Variants in PAPLN observed in about 807,000 individuals in gnomAD.
PAPLN encodes papilin, proteoglycan like sulfated glycoprotein, also known as papilin.
A neutral mutation model predicts 159.0 loss-of-function variants in PAPLN; 146 were observed. The ratio of observed to expected loss-of-function variants is 0.92; its 90% CI spans 0.80 to 1.05. The LOEUF is 1.05. Among genes scored for constraint, PAPLN ranks in the 50% least tolerant of loss-of-function variants. The pLI is 0.00. For synonymous variants in PAPLN, 734 were observed against 702.9 expected, an observed-to-expected ratio of 1.04 and a Z score of -0.70; for missense variants, 1,720 against 1,743.9, an observed-to-expected ratio of 0.99 and a Z score of 0.24.
In PAPLN at chr14:73,250,324, C is replaced by G. The variant is rs1376613726; in HGVS notation, c.465+210C>G. 9.8e-5 allele frequency among the ~76,000 whole-genome samples: 15 copies of G among 152,316 alleles called. No individual in the cohort carries two copies. In the East Asian group the frequency reaches 2.3e-3, roughly 24 times the overall value. On this transcript the variant is annotated intron_variant, in intron 6 of 26. Transcript: ENST00000644200. ...CCTTCATCCTTGGAGAACGCTAGCC[C>G]TACAATAAGAGAAACCCTCTGGGTG...
intron 19 of PAPLN, 55 bp from the exon 20 acceptor site, chr14:73,263,590 G>T: frequency 6.2e-7 from 1 of 1,610,286 alleles, no homozygotes; most frequent in South Asian, 1.1e-5. Flanking sequence ...TGCTTAGGGT[G>T]GTTCTGGTCC....
intron 19 of PAPLN, chr14:73,263,116 G>A: frequency 2.6e-6 from 1 of 386,034 alleles, no homozygotes; most frequent in East Asian, 3.8e-5. Flanking sequence ...GGCTGGAAAA[G>A]TTTATTGGCT....
At chr14:73,259,233 T>A in intron 15 of PAPLN, 36 bp from the exon 16 acceptor site, 2 of 1,530,840 alleles carry the variant, frequency 1.3e-6, no homozygotes, top group Non-Finnish European at 1.8e-6. Flanking sequence ...AGGAGCCAGG[T>A]GGACGCACTG....
rs1886300910 is a variant in PAPLN at position 73,259,389 on chromosome 14, C to T, written c.1829C>T (p.Pro610Leu). Residue 610 changes from proline (P) to leucine (L), a missense_variant, in exon 16 of 27, where the codon CCC becomes CTC. By Grantham distance (98) the Pro-to-Leu change is moderately conservative. Transcript: ENST00000644200. ...GTHLSALGPAPSLQQPPYQQP... is the reference protein window; with the variant it reads ...GTHLSALGPALSLQQPPYQQP... Reference sequence around the variant, plus strand: ...CACCTGTCAGCCCTGGGCCCCGCTCCCTCTCTGCAGCAGCCCCCATACCAG... The same window carrying T: ...CACCTGTCAGCCCTGGGCCCCGCTCTCTCTCTGCAGCAGCCCCCATACCAG... 1 of 1,612,384 alleles carries T rather than the reference C, an allele frequency of 6.2e-7. No individual in the cohort carries two copies. The highest frequency in any genetic ancestry group is 1.3e-5 in the African/African-American group (1 of 74,874).
At chr14:73,260,884 G>A (rs1224694839) in intron 17 of PAPLN, 55 bp downstream of exon 17, 2 of 1,496,260 alleles carry the variant, frequency 1.3e-6, no homozygotes, top group South Asian at 2.7e-5. Context: ...AGCCTGCTCA[G>A]TGTCACTGTG....
In PAPLN at chr14:73,265,644, G is replaced by A; in HGVS notation, c.3263+137G>A. The A allele has an allele frequency of 7.7e-7, 1 of 1,291,254 alleles. No individual in the cohort carries two copies. Among genetic ancestry groups the A allele is most frequent in the Non-Finnish European group, 1.0e-6 (1 of 955,028 alleles). The allele number at this position is 1,291,254 out of a possible 1,614,324, so 80.0% of individuals were successfully genotyped here. A position where few individuals can be genotyped will look rare whatever the true frequency, so the allele number is the denominator to read the frequency against. ...CGGACTCCAGGGCCTCTTGAGAGAT[G>A]GAGCAGCTGGGCAAAGGGCTCCTTG... On this transcript the variant is annotated intron_variant, in intron 23 of 26. Transcript: ENST00000644200. This position sits in a 1 kb window ranked among gnomAD's most constrained non-coding sequence, Gnocchi z 4.1.
At position 73,244,324 on chromosome 14, in the gene PAPLN, G is replaced by A. The variant is rs1883943760; in HGVS notation, c.55-320G>A. The A allele has an allele frequency of 1.1e-5, 3 of 269,530 alleles. No homozygotes were observed. In the South Asian group the frequency reaches 1.4e-4, roughly 13 times the overall value. 16.7% of individuals were successfully genotyped at this position (269,530 alleles called of 1,614,324 possible). A position where few individuals can be genotyped will look rare whatever the true frequency, so the allele number is the denominator to read the frequency against. On this transcript the variant is annotated intron_variant, in intron 2 of 26. Coordinates refer to ENST00000644200, the MANE Select transcript of PAPLN (RefSeq NM_001365906.3). ...CCTACATCACGGTTAACCTACAAAT[G>A]CCTGGACCCTCAAACTGCCCCTGGC...
intron 5 of PAPLN, among the ~76,000 whole-genome samples, chr14:73,248,985 G>T (rs980001638): frequency 6.6e-6 from 1 of 152,112 alleles, no homozygotes; most frequent in Non-Finnish European, 1.5e-5. Flanking sequence ...AAAAAAATTA[G>T]CTGGGTATGA....
chr14:73,264,394 G>A, intron 21 of PAPLN, 59 bp downstream of exon 21: 3 of 1,578,312 alleles, frequency 1.9e-6, no homozygotes, highest in Non-Finnish European at 2.6e-6. Context: ...GGAAGGCCAG[G>A]ATGGGGAGCC....
rs1298582438 is a variant in PAPLN at position 73,245,609 on chromosome 14, G to T, written c.171-27G>T. The T allele has an allele frequency of 9.7e-6, 15 of 1,551,460 alleles. No homozygotes were observed. Among genetic ancestry groups the T allele is most frequent in the African/African-American group, 1.4e-5 (1 of 73,340 alleles). ...GGGCAGGGACGTTGGGTCTCGGTCA[G>T]GTCTTCCCGGTGCTCTGGTCCCGCA... On this transcript the variant is annotated intron_variant, in intron 3 of 26. Coordinates refer to ENST00000644200, the MANE Select transcript of PAPLN (RefSeq NM_001365906.3). This position sits in a 1 kb window ranked among gnomAD's most constrained non-coding sequence, Gnocchi z 4.2.
Position 73,245,964 on chromosome 14 carries a change from A to G in PAPLN, c.232-109A>G. ...GCGGACTCCACCTCCGGCGGCTCCG[A>G]TGGGGCAGGCAAGGGAGACTCCTGG... On this transcript the variant is annotated intron_variant, in intron 4 of 26. Coordinates refer to ENST00000644200, the MANE Select transcript of PAPLN (RefSeq NM_001365906.3). The surrounding 1 kb of genome is among the most constrained non-coding windows in gnomAD (Gnocchi z 4.2). 8.6e-7 allele frequency: 1 copy of G among 1,159,850 alleles called. No homozygotes were observed. The highest frequency in any genetic ancestry group is 1.6e-5 in the South Asian group (1 of 61,608). 71.8% of individuals were successfully genotyped at this position (1,159,850 alleles called of 1,614,324 possible).
intron 5 of PAPLN, among the ~76,000 whole-genome samples, chr14:73,247,406 G>A (rs921036137): frequency 2.0e-5 from 3 of 152,212 alleles, no homozygotes; most frequent in Admixed American, 6.5e-5. Flanking sequence ...ATGACCTCTG[G>A]AGACCCTGTG....
chr14:73,262,023 T>G, intron 18 of PAPLN: 1 of 309,090 alleles, frequency 3.2e-6, no homozygotes, highest in Admixed American at 4.8e-5. Context: ...CTGGGCTCAC[T>G]TTGCATGTGA....
At chr14:73,246,236 T>C (rs1288841798) in intron 5 of PAPLN, 61 bp downstream of exon 5, 5 of 1,367,186 alleles carry the variant, frequency 3.7e-6, no homozygotes, top group Non-Finnish European at 4.9e-6. Context: ...GATGCCACAG[T>C]TCCTATTGCC....
chr14:73,253,662 A>T, intron 11 of PAPLN, 92 bp from the exon 12 acceptor site: 1 of 1,266,700 alleles, frequency 7.9e-7, no homozygotes, highest in Non-Finnish European at 1.1e-6. Context: ...GGGGGTCCTC[A>T]GGCCACCTGT....
chr14:73,238,396 C>T (rs1354168337), intron 1 of PAPLN, among the ~76,000 whole-genome samples: 2 of 152,248 alleles, frequency 1.3e-5, no homozygotes, highest in African/African-American at 4.8e-5. Context: ...GTGACCAGAC[C>T]CGGACTGGCC....
chr14:73,236,737 A>G (rs887161542), upstream of PAPLN, among the ~76,000 whole-genome samples: 3 of 151,602 alleles, frequency 2.0e-5, no homozygotes, highest in Non-Finnish European at 4.4e-5. Context: ...AATCGCTTGA[A>G]CCCAGGAGGC....
At chr14:73,268,781 C>A in intron 26 of PAPLN, 58 bp downstream of exon 26, 1 of 1,504,002 alleles carries the variant, frequency 6.6e-7, no homozygotes, top group Non-Finnish European at 8.9e-7. Context: ...TTTACTGGTT[C>A]TCAAGGGCTG....
intron 1 of PAPLN, among the ~76,000 whole-genome samples, 191 bp downstream of exon 1, chr14:73,237,783 G>C (rs1883123681): frequency 6.6e-6 from 1 of 152,118 alleles, no homozygotes; most frequent in African/African-American, 2.4e-5. Context: ...GGCACCGCGC[G>C]CCCCCCGGCC....
Sources: gnomAD v4.1 joint callset for allele counts (sites outside exome capture counted in the v4.1 genomes callset) on GRCh38, gnomAD v4.1.1 for gene constraint, Gnocchi (gnomAD v3.1) non-coding constraint, MANE v1.5 for transcripts, NCBI Gene and HGNC (gene_info 2026-07-23, HGNC 2026-07-21) for gene names.